The following BLTP2 variants were observed in gnomAD, a reference collection of about 807,000 sequenced individuals.
BLTP2 encodes the protein U937-associated antigen.
chr17:28,637,803 C>G, the BLTP2 span: 1 of 1,596,780 alleles, frequency 6.3e-7, no homozygotes, highest in Non-Finnish European at 8.5e-7. Flanking sequence ...TCCCAAGTAG[C>G]ACACTTCAGT....
At chr17:28,641,144 T>C in the BLTP2 span, among the ~76,000 whole-genome samples, 9 of 152,238 alleles carry the variant, frequency 5.9e-5, no homozygotes, top group Admixed American at 1.3e-4. Flanking sequence ...CAGTTGTCCC[T>C]GTGGGAACTC....
At chr17:28,615,728 GTGT>G in the BLTP2 span, 2 of 1,614,188 alleles carry the variant, frequency 1.2e-6, no homozygotes, top group Non-Finnish European at 1.7e-6. Flanking sequence ...CCATGTCCAT[GTGT>G]TGTTGTGGTA....
At chr17:28,616,117 A>G in the BLTP2 span, 6 of 1,613,644 alleles carry the variant, frequency 3.7e-6, no homozygotes, top group Admixed American at 6.7e-5. This position sits in a 1 kb window ranked among gnomAD's most constrained non-coding sequence, Gnocchi z 4.8. Context: ...CACACAGTGG[A>G]ACCTGTGGAA....
At chr17:28,617,231 C>T in the BLTP2 span, 1 of 1,612,894 alleles carries the variant, frequency 6.2e-7, no homozygotes, top group Non-Finnish European at 8.5e-7. Flanking sequence ...AAAAGACTTG[C>T]CTTATAGACA....
the BLTP2 span, chr17:28,634,009 G>T: frequency 6.2e-7 from 1 of 1,614,126 alleles, no homozygotes; most frequent in Non-Finnish European, 8.5e-7. Flanking sequence ...TGACCACTCT[G>T]CTCGGTGCCC....
the BLTP2 span, among the ~76,000 whole-genome samples, chr17:28,630,287 G>T: frequency 1.3e-5 from 2 of 151,964 alleles, no homozygotes; most frequent in African/African-American, 2.4e-5. Context: ...CTCCCGAGTA[G>T]CTGGGACCAC....
At chr17:28,640,788 T>A in the BLTP2 span, 1 of 1,073,810 alleles carries the variant, frequency 9.3e-7, no homozygotes. Flanking sequence ...TAAAGTAGGC[T>A]AAGCAAATGC....
chr17:28,619,747 T>C, the BLTP2 span: 1 of 1,613,958 alleles, frequency 6.2e-7, no homozygotes, highest in Admixed American at 1.7e-5. Context: ...GTCAAGCAGA[T>C]TCTCATTCTT....
the BLTP2 span, chr17:28,616,089 T>TG: frequency 6.2e-7 from 1 of 1,608,564 alleles, no homozygotes; most frequent in Non-Finnish European, 8.5e-7. This position sits in a 1 kb window ranked among gnomAD's most constrained non-coding sequence, Gnocchi z 4.8. Context: ...GCTTGAGAGG[T>TG]GCAGACCTTG....
the BLTP2 span, chr17:28,642,955 G>A: frequency 6.2e-7 from 1 of 1,607,142 alleles, no homozygotes; most frequent in Non-Finnish European, 8.5e-7. Flanking sequence ...TGAGAACCAT[G>A]ATGTTTATAG....
the BLTP2 span, chr17:28,643,210 T>C: frequency 1.2e-6 from 2 of 1,614,076 alleles, no homozygotes; most frequent in Non-Finnish European, 8.5e-7. Context: ...CAGTTCCTTT[T>C]GATCCACCCC....
At chr17:28,623,628 C>T in the BLTP2 span, 17 of 719,650 alleles carry the variant, frequency 2.4e-5, no homozygotes, top group East Asian at 5.2e-5. Flanking sequence ...AGATTGCCCA[C>T]ATTCAAGGTG....
chr17:28,616,181 A>G, the BLTP2 span: 1 of 1,614,082 alleles, frequency 6.2e-7, no homozygotes, highest in Non-Finnish European at 8.5e-7. This position sits in a 1 kb window ranked among gnomAD's most constrained non-coding sequence, Gnocchi z 4.8. Flanking sequence ...CATCTTGTCA[A>G]TGTCATCCAC....
chr17:28,622,785 A>G, the BLTP2 span, among the ~76,000 whole-genome samples: 1 of 152,178 alleles, frequency 6.6e-6, no homozygotes, highest in African/African-American at 2.4e-5. Context: ...TCTAACAAAA[A>G]CATTATCTTG....
chr17:28,616,364 G>A, the BLTP2 span: 10 of 1,614,006 alleles, frequency 6.2e-6, no homozygotes, highest in Non-Finnish European at 8.5e-6. The surrounding 1 kb of genome is among the most constrained non-coding windows in gnomAD (Gnocchi z 4.8). Context: ...CTATCATCAG[G>A]GGCATGTTTG....
chr17:28,642,135 A>G, the BLTP2 span: 7 of 1,593,760 alleles, frequency 4.4e-6, no homozygotes, highest in Non-Finnish European at 6.0e-6. Context: ...GTTTTAGGTC[A>G]AAATGTGGTG....
the BLTP2 span, among the ~76,000 whole-genome samples, chr17:28,638,859 C>T: frequency 2.0e-5 from 3 of 152,168 alleles, no homozygotes; most frequent in Non-Finnish European, 4.4e-5. Context: ...TAGGTTGACT[C>T]ATATAAAATT....
At chr17:28,644,894 G>A in the BLTP2 span, 2 of 1,066,622 alleles carry the variant, frequency 1.9e-6, no homozygotes, top group East Asian at 2.8e-5. Flanking sequence ...ACGCGCCTCA[G>A]TAAGGCGCGC....
chr17:28,618,310 G>A, the BLTP2 span, among the ~76,000 whole-genome samples: 2 of 151,784 alleles, frequency 1.3e-5, no homozygotes, highest in South Asian at 4.2e-4. Context: ...GGAGTGCAGT[G>A]GTGTGATCAC....
Sources: allele counts gnomAD v4.1 joint callset (sites outside exome capture counted in the v4.1 genomes callset), GRCh38; gene constraint gnomAD v4.1.1; non-coding constraint Gnocchi (gnomAD v3.1); transcripts MANE v1.5; gene names NCBI Gene and HGNC (gene_info 2026-07-23, HGNC 2026-07-21).